The following CACNA1C variants were observed in gnomAD, a reference collection of about 807,000 sequenced individuals.
CACNA1C encodes voltage-dependent L-type calcium channel subunit alpha-1C.
Under a neutral mutation model 229.0 loss-of-function variants are expected in CACNA1C, and 30 were observed. The ratio of observed to expected loss-of-function variants is 0.13; its 90% confidence interval spans 0.10 to 0.18. The LOEUF (loss-of-function observed/expected upper bound fraction) is 0.18. Ranked by LOEUF, CACNA1C falls within the 10% of genes least tolerant of loss-of-function variation. CACNA1C has a pLI of 1.00. For missense variants in CACNA1C, 1,658 were observed against 2,845.0 expected (o/e 0.58, Z 9.49); for synonymous variants, 1,114 against 1,132.5 (o/e 0.98, Z 0.33).
At chr12:2,536,283 G>T (rs1459763036) in intron 9 of CACNA1C, among the ~76,000 whole-genome samples, 1 of 152,220 alleles carries the variant, frequency 6.6e-6, no homozygotes, top group African/African-American at 2.4e-5. Flanking sequence ...AGAACAGGGT[G>T]CAAACGTCAA....
rs2154502255 is a variant in CACNA1C, at chr12:2,053,326, G to A, written c.-237G>A. The A allele has an allele frequency of 1.6e-6, 2 of 1,277,078 alleles. No individual in the cohort carries two copies. The highest frequency in any genetic ancestry group is 2.0e-6 in the Non-Finnish European group (2 of 1,009,086). 79.1% of individuals were successfully genotyped at this position (1,277,078 alleles called of 1,614,324 possible). The stretch of plus-strand genomic sequence containing the variant: ...AGGGGCCCGGATGTACTGAGGATGC[G>A]TTACAGTTTCACTCGAGGAGGCAGT... On this transcript the variant is annotated 5_prime_UTR_variant, in exon 1 of 47. Coordinates refer to ENST00000399655, the MANE Select transcript of CACNA1C (RefSeq NM_000719.7). This position sits in a 1 kb window ranked among gnomAD's most constrained non-coding sequence, Gnocchi z 5.8.
At chr12:2,269,072 A>G (rs2083615563) in intron 3 of CACNA1C, among the ~76,000 whole-genome samples, 1 of 152,198 alleles carries the variant, frequency 6.6e-6, no homozygotes, top group South Asian at 2.1e-4. Flanking sequence ...TGTGGGTTAC[A>G]GGGAGTAGCG....
rs1053480584 is a variant in CACNA1C at position 2,152,441 on chromosome 12, A to C, written c.477+32011A>C. On this transcript the variant is annotated intron_variant, in intron 3 of 46. Transcript: ENST00000399655. The surrounding 1 kb of genome is among the most constrained non-coding windows in gnomAD (Gnocchi z 4.2). ...CTGCCCTTTCCCTTTCTCCCTCTGC[A>C]GGCGTGTTGCCGTCATGGTGAGGAG... Among the ~76,000 whole-genome samples, 1 of 152,206 alleles carries C rather than the reference A, an allele frequency of 6.6e-6. No homozygotes were observed. The highest frequency in any genetic ancestry group is 6.5e-5 in the Admixed American group (1 of 15,282).
At chr12:2,089,078 AT>A (rs1461692776) in intron 1 of CACNA1C, among the ~76,000 whole-genome samples, 1 of 152,140 alleles carries the variant, frequency 6.6e-6, no homozygotes, top group Non-Finnish European at 1.5e-5. Flanking sequence ...CCAGTGATTC[AT>A]TCTGCTTTTA....
At chr12:2,160,384 C>T (rs533605416) in intron 3 of CACNA1C, among the ~76,000 whole-genome samples, 3 of 152,336 alleles carry the variant, frequency 2.0e-5, no homozygotes, top group Admixed American at 2.0e-4. Flanking sequence ...CTCTGATCCT[C>T]AAAGAGGACC....
At chr12:2,473,638 T>G (rs2099604464) in intron 5 of CACNA1C, among the ~76,000 whole-genome samples, 1 of 152,170 alleles carries the variant, frequency 6.6e-6, no homozygotes, top group African/African-American at 2.4e-5. Context: ...TGTCCACCTT[T>G]TAAAGATGTT....
intron 3 of CACNA1C, among the ~76,000 whole-genome samples, chr12:2,293,292 C>G (rs1466543746): frequency 6.6e-6 from 1 of 152,150 alleles, no homozygotes; most frequent in Non-Finnish European, 1.5e-5. Flanking sequence ...ATGTCAAATG[C>G]CTTTTTGCCT....
Position 2,666,750 on chromosome 12 carries a change from G to T in CACNA1C, c.4591G>T (p.Gly1531Trp). Residue 1531 changes from glycine to tryptophan, a missense_variant, in exon 37 of 47, where the codon GGG (glycine) becomes TGG (tryptophan). By Grantham distance (184) the Gly-to-Trp change is radical. Coordinates refer to ENST00000399655, the MANE Select transcript of CACNA1C (RefSeq NM_000719.7). This position sits in a 1 kb window ranked among gnomAD's most constrained non-coding sequence, Gnocchi z 5.3. ...LRRIQPPLGF[G>W]KLCPHRVACK... Reference sequence around the variant, plus strand: ...GCGGATTCAGCCGCCACTAGGTTTTGGGAAGCTGTGCCCTCACCGCGTGGC... The same window carrying T: ...GCGGATTCAGCCGCCACTAGGTTTTTGGAAGCTGTGCCCTCACCGCGTGGC... The T allele has an allele frequency of 6.2e-7, 1 of 1,606,756 alleles. No individual in the cohort carries two copies.
chr12:2,470,951 T>C (rs112816668), intron 5 of CACNA1C, among the ~76,000 whole-genome samples: 362 of 152,164 alleles, frequency 2.4e-3, no homozygotes, highest in Non-Finnish European at 4.4e-3. Flanking sequence ...TCGTGCCTCA[T>C]CTTCCAAGTA....
intron 8 of CACNA1C, among the ~76,000 whole-genome samples, chr12:2,511,190 G>GA (rs1363319581): frequency 6.6e-6 from 1 of 152,206 alleles, no homozygotes; most frequent in Non-Finnish European, 1.5e-5. Flanking sequence ...CAGTTGAAGA[G>GA]AACTGGTTAG....
intron 3 of CACNA1C, among the ~76,000 whole-genome samples, chr12:2,125,577 G>A (rs2089667108): frequency 6.6e-6 from 1 of 152,132 alleles, no homozygotes. Context: ...CCTGAAGCAG[G>A]TGGCTCTCAA....
chr12:2,523,939 C>A (rs1285941884), intron 9 of CACNA1C, among the ~76,000 whole-genome samples: 1 of 152,226 alleles, frequency 6.6e-6, no homozygotes, highest in Non-Finnish European at 1.5e-5. Context: ...GTAAGAAGCT[C>A]ATGCCGCATC....
intron 13 of CACNA1C, among the ~76,000 whole-genome samples, chr12:2,577,931 C>T (rs543990779): frequency 1.4e-4 from 21 of 150,358 alleles, no homozygotes; most frequent in Non-Finnish European, 2.2e-4. Flanking sequence ...TGCAGTGGCG[C>T]GATCTCGGCT....
intron 8 of CACNA1C, among the ~76,000 whole-genome samples, chr12:2,505,534 G>A (rs1278704710): frequency 6.6e-6 from 1 of 152,152 alleles, no homozygotes; most frequent in Non-Finnish European, 1.5e-5. Context: ...GCATGGTGGT[G>A]CACACCTGTA....
At chr12:2,063,764 C>T (rs55666250) in intron 1 of CACNA1C, among the ~76,000 whole-genome samples, 47,072 of 152,186 alleles carry the variant, frequency 0.31, 9,191 homozygotes, top group Admixed American at 0.46. Flanking sequence ...TGAAAGCACA[C>T]GCCACATTTT....
At chr12:2,135,569 A>T (rs59930696) in intron 3 of CACNA1C, among the ~76,000 whole-genome samples, 9,017 of 123,154 alleles carry the variant, frequency 0.073, 1,268 homozygotes, top group Non-Finnish European at 0.08. Flanking sequence ...CCCTGCTGTG[A>T]GAGGTGTCAG....
intron 5 of CACNA1C, among the ~76,000 whole-genome samples, chr12:2,482,574 TG>T (rs2099680631): frequency 1.3e-5 from 2 of 152,198 alleles, no homozygotes; most frequent in Non-Finnish European, 2.9e-5. Flanking sequence ...CTGTCGCCCA[TG>T]GCAAGTCTTC....
chr12:2,664,723 C>T (rs2095978626), intron 34 of CACNA1C, 102 bp from the exon 35 acceptor site: 4 of 915,728 alleles, frequency 4.4e-6, no homozygotes, highest in African/African-American at 1.7e-5. Context: ...TTAGTAACTC[C>T]CTCTGGGGAA....
chr12:2,260,158 C>T (rs1355580990), intron 3 of CACNA1C, among the ~76,000 whole-genome samples: 1 of 152,106 alleles, frequency 6.6e-6, no homozygotes, highest in African/African-American at 2.4e-5. Flanking sequence ...TTTGGCCTGA[C>T]TTGGCTGACA....
Sources: gnomAD v4.1 joint callset for allele counts (sites outside exome capture counted in the v4.1 genomes callset) on GRCh38, gnomAD v4.1.1 for gene constraint, Gnocchi (gnomAD v3.1) non-coding constraint, MANE v1.5 for transcripts, NCBI Gene and HGNC (gene_info 2026-07-23, HGNC 2026-07-21) for gene names.